Variants in SND1 observed in about 807,000 individuals in gnomAD.
SND1 encodes staphylococcal nuclease domain-containing protein 1.
A neutral mutation model predicts 121.7 loss-of-function variants in SND1; 38 were observed. That is an observed-to-expected ratio of 0.31 (90% CI 0.24 to 0.41). SND1 has a LOEUF of 0.41. SND1 is among the 10% of genes least tolerant of loss of function. The pLI, the probability that SND1 is intolerant of heterozygous loss-of-function variation, is 1.00. For missense variants in SND1, 868 were observed against 1,184.6 expected (o/e 0.73, Z 3.92); for synonymous variants, 401 against 447.4 (o/e 0.90, Z 1.31).
At chr7:127,795,550 T>C (rs1236611013) in intron 10 of SND1, among the ~76,000 whole-genome samples, 1 of 152,220 alleles carries the variant, frequency 6.6e-6, no homozygotes, top group Non-Finnish European at 1.5e-5. Context: ...ATATGTGTTC[T>C]GTAAGGATTT....
At chr7:128,018,425 T>C (rs1235205077) in intron 16 of SND1, among the ~76,000 whole-genome samples, 1 of 152,220 alleles carries the variant, frequency 6.6e-6, no homozygotes, top group African/African-American at 2.4e-5. Context: ...CATGAGCCCA[T>C]TTTTAGCCTT....
At chr7:128,072,229 T>G (rs1348269275) in intron 16 of SND1, among the ~76,000 whole-genome samples, 1 of 152,198 alleles carries the variant, frequency 6.6e-6, no homozygotes, top group Non-Finnish European at 1.5e-5. Context: ...ATCTCTGACA[T>G]TCTTGCACCA....
At chr7:127,752,355 T>A (rs1797111514) in intron 10 of SND1, among the ~76,000 whole-genome samples, 1 of 152,182 alleles carries the variant, frequency 6.6e-6, no homozygotes, top group South Asian at 2.1e-4. Context: ...CATCAGCAGT[T>A]CAACAAAACA....
intron 11 of SND1, among the ~76,000 whole-genome samples, chr7:127,810,821 T>A (rs1008007679): frequency 1.3e-5 from 2 of 152,244 alleles, no homozygotes; most frequent in African/African-American, 4.8e-5. Flanking sequence ...TACAGTTTTT[T>A]AAAATGACAT....
chr7:127,714,628 AAGCAATAACTCTACATCCCT>A, intron 9 of SND1, among the ~76,000 whole-genome samples: 2 of 152,200 alleles, frequency 1.3e-5, no homozygotes, highest in African/African-American at 4.8e-5. Flanking sequence ...TATACTCATT[AAGCAATAACTCTACATCCCT>A]CTGTTTCCCC....
intron 16 of SND1, among the ~76,000 whole-genome samples, chr7:128,061,277 A>G (rs1793227001): frequency 1.3e-5 from 2 of 152,192 alleles, no homozygotes; most frequent in Non-Finnish European, 2.9e-5. Flanking sequence ...GACCCATCCT[A>G]CAGATTGTTC....
chr7:127,811,634 G>C (rs1798336667), intron 11 of SND1, among the ~76,000 whole-genome samples: 1 of 151,992 alleles, frequency 6.6e-6, no homozygotes, highest in Admixed American at 6.6e-5. Flanking sequence ...CAAGAATCAG[G>C]GTGTTAGACT....
At chr7:127,819,727 C>T (rs1231505237) in intron 11 of SND1, among the ~76,000 whole-genome samples, 2 of 152,128 alleles carry the variant, frequency 1.3e-5, no homozygotes, top group Admixed American at 6.5e-5. Flanking sequence ...TTCATAAACC[C>T]GTTTGAAGAT....
chr7:127,760,539 ATT>A (rs1251051275), intron 10 of SND1, among the ~76,000 whole-genome samples: 1 of 152,216 alleles, frequency 6.6e-6, no homozygotes, highest in Admixed American at 6.5e-5. Context: ...TAATAACACT[ATT>A]AATTTTGAAC....
chr7:127,711,817 C>T (rs937555542), intron 9 of SND1, among the ~76,000 whole-genome samples: 4 of 151,904 alleles, frequency 2.6e-5, no homozygotes, highest in Non-Finnish European at 4.4e-5. Context: ...GTTTTATTGA[C>T]ATGATACTGT....
chr7:127,970,042 T>C (rs1038513553), intron 15 of SND1, among the ~76,000 whole-genome samples: 4 of 152,232 alleles, frequency 2.6e-5, no homozygotes, highest in Non-Finnish European at 5.9e-5. Context: ...TATTGTTATG[T>C]GAGTTTCTTC....
intron 16 of SND1, among the ~76,000 whole-genome samples, chr7:128,046,168 C>G (rs1474631021): frequency 6.6e-6 from 1 of 152,162 alleles, no homozygotes; most frequent in African/African-American, 2.4e-5. Flanking sequence ...ACAATCATGG[C>G]TCACTGGAGC....
At chr7:127,844,291 T>TCAACCCTAATTC (rs1799018141) in intron 11 of SND1, 33 bp from the exon 12 acceptor site, 2 of 1,582,356 alleles carry the variant, frequency 1.3e-6, no homozygotes, top group Non-Finnish European at 1.7e-6. Context: ...TTGCAGACTC[T>TCAACCCTAATTC]CAACCCTAAT....
intron 1 of SND1, among the ~76,000 whole-genome samples, chr7:127,659,954 G>A (rs557655536): frequency 1.3e-5 from 2 of 151,700 alleles, no homozygotes; most frequent in Non-Finnish European, 2.9e-5. Flanking sequence ...ATACCTTAAC[G>A]GCTTGACTTT....
At chr7:127,702,605 C>T (rs1421586391) in intron 6 of SND1, 79 bp downstream of exon 6, 8 of 1,152,878 alleles carry the variant, frequency 6.9e-6, no homozygotes, top group South Asian at 3.7e-5. Flanking sequence ...TTGGGGACTT[C>T]GGATCTGCTG....
chr7:127,811,347 A>C (rs934890168), intron 11 of SND1, among the ~76,000 whole-genome samples: 2 of 152,148 alleles, frequency 1.3e-5, no homozygotes, highest in African/African-American at 4.8e-5. Context: ...TAGGGTGTGG[A>C]GATGGAAATG....
At chr7:127,883,683 A>G (rs544330499) in intron 12 of SND1, among the ~76,000 whole-genome samples, 4 of 152,284 alleles carry the variant, frequency 2.6e-5, no homozygotes, top group South Asian at 2.1e-4. Context: ...AATTTTGCCA[A>G]CTGTTCTAAT....
chr7:127,658,495 A>T (rs955847369), intron 1 of SND1, among the ~76,000 whole-genome samples: 2 of 152,240 alleles, frequency 1.3e-5, no homozygotes, highest in African/African-American at 4.8e-5. Flanking sequence ...AGTAGGCTTT[A>T]TAAGAGCTAA....
At chr7:127,877,438 C>G (rs1799712778) in intron 12 of SND1, among the ~76,000 whole-genome samples, 1 of 151,990 alleles carries the variant, frequency 6.6e-6, no homozygotes, top group South Asian at 2.1e-4. Context: ...TTCCTGAGAT[C>G]TCAGGTAGAT....
Sources: allele counts gnomAD v4.1 joint callset (sites outside exome capture counted in the v4.1 genomes callset), GRCh38; gene constraint gnomAD v4.1.1; transcripts MANE v1.5; gene names NCBI Gene and HGNC (gene_info 2026-07-23, HGNC 2026-07-21).